The following PHTF2 variants were observed in gnomAD, a reference collection of about 807,000 sequenced individuals.
PHTF2 encodes the protein putative homeodomain transcription factor 2.
In PHTF2, 60 loss-of-function variants were observed where a neutral mutation model predicts 101.2. The ratio of observed to expected loss-of-function variants is 0.59; its 90% CI spans 0.48 to 0.73. PHTF2 has a LOEUF of 0.73. Among genes scored for constraint, PHTF2 ranks in the 30% least tolerant of loss-of-function variants. The pLI is 0.00. For missense variants in PHTF2, 747 were observed against 908.7 expected, an observed-to-expected ratio of 0.82 and a Z score of 2.29; for synonymous variants, 311 against 307.3, an observed-to-expected ratio of 1.01 and a Z score of -0.13.
Position 77,901,934 on chromosome 7 carries a change from A to G in PHTF2, c.445+14A>G, listed in dbSNP as rs1050171265. ...ATCTTCTTCAAGGTATAATTAAGTG[A>G]TTTTTGCTTTTACTTTTCAGAATGT... On this transcript the variant is annotated intron_variant, in intron 7 of 19. Coordinates refer to ENST00000416283, the Ensembl canonical transcript of PHTF2. 7 of 1,516,260 alleles carry G rather than the reference A, an allele frequency of 4.6e-6. No individual in the cohort carries two copies. In the African/African-American group the frequency reaches 8.4e-5, roughly 18 times the overall value. The allele number at this position is 1,516,260 out of a possible 1,614,324, so 93.9% of individuals were successfully genotyped here. A position where few individuals can be genotyped will look rare whatever the true frequency, so the allele number is the denominator to read the frequency against.
intron 16 of PHTF2, among the ~76,000 whole-genome samples, chr7:77,947,931 C>T (rs1806220720): frequency 6.9e-6 from 1 of 145,384 alleles, no homozygotes; most frequent in South Asian, 2.2e-4. Flanking sequence ...CTCTGCCTCC[C>T]CGGCTCAAGC....
chr7:77,875,370 G>A (rs1005240224), intron 3 of PHTF2, among the ~76,000 whole-genome samples: 16 of 151,840 alleles, frequency 1.1e-4, no homozygotes, highest in Admixed American at 2.0e-4. Flanking sequence ...GTGTGTGTAT[G>A]TGTGTGTTTA....
At chr7:77,901,132 CCTCAAGCCATG>C (rs1441344740) in intron 6 of PHTF2, among the ~76,000 whole-genome samples, 1 of 152,210 alleles carries the variant, frequency 6.6e-6, no homozygotes, top group Non-Finnish European at 1.5e-5. Context: ...TCAAGGACAG[CCTCAAGCCATG>C]AGGGCTTCAC....
intron 1 of PHTF2, among the ~76,000 whole-genome samples, chr7:77,808,947 CCCATCATGT>C (rs1211320057): frequency 6.6e-6 from 1 of 152,030 alleles, no homozygotes; most frequent in Non-Finnish European, 1.5e-5. Flanking sequence ...TCTCATTACT[CCCATCATGT>C]CTAGAAGTGG....
chr7:77,842,593 C>G (rs61391580), intron 2 of PHTF2, among the ~76,000 whole-genome samples: 3,771 of 152,158 alleles, frequency 0.025, 177 homozygotes, highest in African/African-American at 0.086. Context: ...CATCCCTATC[C>G]TTACCTAACC....
intron 3 of PHTF2, among the ~76,000 whole-genome samples, chr7:77,865,686 G>C (rs1000928487): frequency 6.6e-6 from 1 of 152,102 alleles, no homozygotes; most frequent in Non-Finnish European, 1.5e-5. Flanking sequence ...GGGTCTTACT[G>C]TATACTTGGT....
chr7:77,815,477 G>A (rs2150501490), intron 1 of PHTF2, among the ~76,000 whole-genome samples: 1 of 152,312 alleles, frequency 6.6e-6, no homozygotes, highest in African/African-American at 2.4e-5. Flanking sequence ...GTTTCAATTT[G>A]TAGTTTTTAT....
chr7:77,930,168 G>A (rs775880157), intron 12 of PHTF2, among the ~76,000 whole-genome samples: 1 of 151,762 alleles, frequency 6.6e-6, no homozygotes, highest in Admixed American at 6.6e-5. Context: ...TGGCCAGGCT[G>A]GTCTCGAACT....
At chr7:77,832,177 G>C (rs1795125209) in intron 1 of PHTF2, among the ~76,000 whole-genome samples, 1 of 152,182 alleles carries the variant, frequency 6.6e-6, no homozygotes, top group East Asian at 1.9e-4. Flanking sequence ...AATGACAAAT[G>C]TGTTCGAGTC....
intron 3 of PHTF2, among the ~76,000 whole-genome samples, chr7:77,891,823 C>T (rs895592473): frequency 2.6e-5 from 4 of 152,010 alleles, no homozygotes; most frequent in African/African-American, 7.2e-5. Context: ...TGGGCTCAAG[C>T]GATTCTCCCA....
rs533759760 is a variant in PHTF2 at position 77,952,408 on chromosome 7, G to T, written c.2211+696G>T. Among the ~76,000 whole-genome samples the T allele has an allele frequency of 2.0e-5, 3 of 152,208 alleles. No individual in the cohort carries two copies. The South Asian group carries it at 6.2e-4, about 32-fold the overall frequency. On this transcript the variant is annotated intron_variant, in intron 18 of 19. Coordinates refer to ENST00000416283, the Ensembl canonical transcript of PHTF2. ...TCAGTCAACTAAACAGTGTGAATTG[G>T]GTATAGACTATGCACCACATAGTAT...
chr7:77,810,827 C>T (rs536544985), intron 1 of PHTF2, among the ~76,000 whole-genome samples: 188 of 151,662 alleles, frequency 1.2e-3, no homozygotes, highest in South Asian at 2.3e-3. Flanking sequence ...CATGAGCCAC[C>T]CCACCCAGCT....
chr7:77,888,914 G>T lies in PHTF2; in HGVS notation c.148-4694G>T, dbSNP rs370708138. Among the ~76,000 whole-genome samples the T allele has an allele frequency of 7.2e-5, 11 of 152,194 alleles. No homozygotes were observed. In the East Asian group the frequency reaches 2.1e-3, roughly 29 times the overall value. ...CAATAATATAAAGCAGAAGGGGAAA[G>T]TGCATTATTCGTGTTTAGAGGTAAA... On this transcript the variant is annotated intron_variant, in intron 3 of 19. Transcript: ENST00000416283.
In PHTF2 at chr7:77,954,799, A is replaced by G. The variant is rs915390083; in HGVS notation, c.2338-59A>G. 14 of 925,938 alleles carry G rather than the reference A, an allele frequency of 1.5e-5. No individual in the cohort carries two copies. The African/African-American group carries it at 2.2e-4, about 15-fold the overall frequency. The allele number at this position is 925,938 out of a possible 1,614,324, so 57.4% of individuals were successfully genotyped here. A position where few individuals can be genotyped will look rare whatever the true frequency, so the allele number is the denominator to read the frequency against. On this transcript the variant is annotated intron_variant, in intron 19 of 19. Coordinates refer to ENST00000416283, the Ensembl canonical transcript of PHTF2. Reference sequence around the variant, plus strand: ...GAATTTAAAAATGGTGTTATATGATATAATTTAAGCTTTGATATTAAAACT... The same window carrying G: ...GAATTTAAAAATGGTGTTATATGATGTAATTTAAGCTTTGATATTAAAACT...
intron 16 of PHTF2, among the ~76,000 whole-genome samples, chr7:77,947,864 G>GTTTTT (rs1444683828): frequency 9.9e-5 from 2 of 20,168 alleles, no homozygotes; most frequent in African/African-American, 3.2e-4. Flanking sequence ...TTGAGACAGA[G>GTTTTT]TCTTTGCTCT....
At chr7:77,904,308 G>A (rs1359902918) in intron 7 of PHTF2, among the ~76,000 whole-genome samples, 1 of 152,062 alleles carries the variant, frequency 6.6e-6, no homozygotes, top group Non-Finnish European at 1.5e-5. Flanking sequence ...CTTTTGTTTA[G>A]TCAATCCTCT....
intron 15 of PHTF2, among the ~76,000 whole-genome samples, chr7:77,941,906 A>G (rs1336174705): frequency 6.6e-6 from 1 of 152,222 alleles, no homozygotes; most frequent in Non-Finnish European, 1.5e-5. Context: ...GATAAAGCAC[A>G]AAATCTTAAC....
At chr7:77,836,321 G>A (rs1237526646) in intron 1 of PHTF2, among the ~76,000 whole-genome samples, 1 of 152,050 alleles carries the variant, frequency 6.6e-6, no homozygotes. Context: ...AGGAGTATCA[G>A]GCACACTTGG....
At chr7:77,876,770 G>A (rs1798975089) in intron 3 of PHTF2, among the ~76,000 whole-genome samples, 1 of 152,156 alleles carries the variant, frequency 6.6e-6, no homozygotes, top group African/African-American at 2.4e-5. Flanking sequence ...TCCAGGCATG[G>A]TGGTACACAC....
Sources: allele counts gnomAD v4.1 joint callset (sites outside exome capture counted in the v4.1 genomes callset), GRCh38; gene constraint gnomAD v4.1.1; transcripts MANE v1.5; gene names NCBI Gene and HGNC (gene_info 2026-07-23, HGNC 2026-07-21).